ARHGAP25: variants seen among roughly 807,000 people sequenced by gnomAD.
ARHGAP25 encodes the protein Rho GTPase activating protein 25.
Under a neutral mutation model 71.0 loss-of-function variants are expected in ARHGAP25, and 34 were observed. That is an observed-to-expected ratio of 0.48 (90% CI 0.36 to 0.64). The LOEUF is 0.64. ARHGAP25 is among the 30% of genes least tolerant of loss of function. ARHGAP25 has a pLI of 0.00. For missense variants in ARHGAP25, 706 were observed against 805.1 expected (o/e 0.88, Z 1.49); for synonymous variants, 282 against 296.5 (o/e 0.95, Z 0.50).
intron 2 of ARHGAP25, among the ~76,000 whole-genome samples, chr2:68,781,229 A>T (rs1558633030): frequency 6.6e-6 from 1 of 152,142 alleles, no homozygotes; most frequent in African/African-American, 2.4e-5. Context: ...CCACTAAAAA[A>T]AATACAAAAA....
chr2:68,779,418 C>A (rs767807063), intron 2 of ARHGAP25, among the ~76,000 whole-genome samples: 1 of 152,150 alleles, frequency 6.6e-6, no homozygotes, highest in African/African-American at 2.4e-5. Flanking sequence ...AGTATCTTCA[C>A]CTTTTTAATA....
intron 1 of ARHGAP25, among the ~76,000 whole-genome samples, chr2:68,773,052 G>T (rs529208241): frequency 2.0e-5 from 3 of 152,282 alleles, no homozygotes; most frequent in South Asian, 2.1e-4. Context: ...GGTAAGAAGT[G>T]ACTGCCAGAT....
Position 68,810,731 on chromosome 2 carries a change from C to CTTTTTTTTTTTTT in ARHGAP25, c.675-2547_675-2535dup, listed in dbSNP as rs539849992. Among the ~76,000 whole-genome samples, 20 of 74,346 alleles carry CTTTTTTTTTTTTT rather than the reference C, an allele frequency of 2.7e-4. 5 individuals are homozygous for CTTTTTTTTTTTTT. Among genetic ancestry groups the CTTTTTTTTTTTTT allele is most frequent in the Admixed American group, 3.0e-4 (2 of 6,586 alleles). The allele number at this position is 74,346 out of a possible 152,430, so 48.8% of individuals were successfully genotyped here. A position where few individuals can be genotyped will look rare whatever the true frequency, so the allele number is the denominator to read the frequency against. On this transcript the variant is annotated intron_variant, in intron 5 of 10. Coordinates refer to ENST00000409202, the MANE Select transcript of ARHGAP25 (RefSeq NM_001007231.3). ...GATCCAATTTCTTTTCTTTTCTTCTCTTTTTTTTTTTTTTTTTTTTTGAGA... is the reference window on the plus strand; with the variant it reads ...GATCCAATTTCTTTTCTTTTCTTCTCTTTTTTTTTTTTTTTTTTTTTTTTTTTTTTTTTTGAGA...
At chr2:68,715,366 G>A (rs1193296240) in intron 2 of ARHGAP25, among the ~76,000 whole-genome samples, 1 of 142,646 alleles carries the variant, frequency 7.0e-6, no homozygotes, top group African/African-American at 2.4e-5. Context: ...GAGAAGCCCC[G>A]TTCTAAGACA....
intron 2 of ARHGAP25, among the ~76,000 whole-genome samples, chr2:68,729,110 G>A (rs926131030): frequency 6.6e-6 from 1 of 152,218 alleles, no homozygotes; most frequent in African/African-American, 2.4e-5. Context: ...TGGGGAAAAT[G>A]AGGAGGGTCT....
intron 5 of ARHGAP25, 24 bp from the exon 6 acceptor site, chr2:68,813,263 A>C (rs749627839): frequency 1.9e-6 from 3 of 1,595,920 alleles, no homozygotes; most frequent in Non-Finnish European, 2.6e-6. Flanking sequence ...AGAGTTTCAC[A>C]GAGCGTTGCT....
intron 4 of ARHGAP25, among the ~76,000 whole-genome samples, chr2:68,800,720 C>T (rs1265007895): frequency 1.3e-5 from 2 of 152,150 alleles, no homozygotes; most frequent in African/African-American, 4.8e-5. Flanking sequence ...TCAGTTTTCT[C>T]ATCTGTAAAA....
chr2:68,801,588 G>A (rs569983194), intron 4 of ARHGAP25, among the ~76,000 whole-genome samples: 1 of 152,342 alleles, frequency 6.6e-6, no homozygotes, highest in South Asian at 2.1e-4. Flanking sequence ...ACTGAGTAGA[G>A]AAAAGGGGCA....
At chr2:68,738,050 G>T (rs1675309931) in intron 1 of ARHGAP25, among the ~76,000 whole-genome samples, 1 of 152,188 alleles carries the variant, frequency 6.6e-6, no homozygotes, top group South Asian at 2.1e-4. Context: ...CTGACCTATT[G>T]ATCCTGGCAG....
chr2:68,784,093 A>G (rs1678552849), intron 3 of ARHGAP25, among the ~76,000 whole-genome samples: 1 of 152,016 alleles, frequency 6.6e-6, no homozygotes, highest in African/African-American at 2.4e-5. Flanking sequence ...ATTATCACTT[A>G]TGTTTGCAGC....
At chr2:68,793,211 C>T (rs1381127633) in intron 4 of ARHGAP25, among the ~76,000 whole-genome samples, 1 of 152,084 alleles carries the variant, frequency 6.6e-6, no homozygotes, top group African/African-American at 2.4e-5. Flanking sequence ...GCTATTTTCT[C>T]CCATTTAGTA....
intron 2 of ARHGAP25, among the ~76,000 whole-genome samples, chr2:68,778,127 C>T (rs1292154485): frequency 2.0e-5 from 3 of 152,000 alleles, no homozygotes; most frequent in African/African-American, 7.2e-5. Flanking sequence ...TTATCACAAA[C>T]AATAATTAAG....
chr2:68,758,988 A>G (rs1489873147), intron 1 of ARHGAP25, among the ~76,000 whole-genome samples: 1 of 151,938 alleles, frequency 6.6e-6, no homozygotes, highest in Non-Finnish European at 1.5e-5. Flanking sequence ...AAATTAAACA[A>G]TACACTATTA....
At chr2:68,787,354 C>T (rs1678829347) in intron 3 of ARHGAP25, among the ~76,000 whole-genome samples, 1 of 152,184 alleles carries the variant, frequency 6.6e-6, no homozygotes, top group Admixed American at 6.5e-5. Context: ...TCACCAAGCA[C>T]CAATTTTGTG....
At chr2:68,786,600 G>A (rs1678774751) in intron 3 of ARHGAP25, among the ~76,000 whole-genome samples, 1 of 152,174 alleles carries the variant, frequency 6.6e-6, no homozygotes, top group South Asian at 2.1e-4. Context: ...CCAGTTCTCA[G>A]GATACTCTCA....
At chr2:68,731,414 A>T (rs1046465829), upstream of ARHGAP25, among the ~76,000 whole-genome samples, 2 of 151,886 alleles carry the variant, frequency 1.3e-5, no homozygotes, top group African/African-American at 4.8e-5. Flanking sequence ...TTCCATGCCC[A>T]TGCTGCCGAC....
At chr2:68,738,605 A>G (rs1326630988) in intron 1 of ARHGAP25, among the ~76,000 whole-genome samples, 1 of 152,086 alleles carries the variant, frequency 6.6e-6, no homozygotes, top group Non-Finnish European at 1.5e-5. Context: ...TCCCTGATAG[A>G]TAAAGGTCCC....
chr2:68,823,181 T>A (rs1006202420), intron 10 of ARHGAP25, among the ~76,000 whole-genome samples: 1 of 152,094 alleles, frequency 6.6e-6, no homozygotes, highest in Non-Finnish European at 1.5e-5. Flanking sequence ...TTTTTTTATG[T>A]TAAGGTCATT....
intron 1 of ARHGAP25, among the ~76,000 whole-genome samples, chr2:68,748,059 G>C (rs1573422688): frequency 6.6e-6 from 1 of 152,070 alleles, no homozygotes; most frequent in African/African-American, 2.4e-5. Context: ...GTATACTTAG[G>C]ATTAAATTCA....
Sources: gnomAD v4.1 joint callset for allele counts (sites outside exome capture counted in the v4.1 genomes callset) on GRCh38, gnomAD v4.1.1 for gene constraint, MANE v1.5 for transcripts, NCBI Gene and HGNC (gene_info 2026-07-23, HGNC 2026-07-21) for gene names.